The following TNRC6A variants were observed in gnomAD, a reference collection of about 807,000 sequenced individuals.
The protein encoded by TNRC6A is trinucleotide repeat containing adaptor 6A.
TNRC6A carries 44 observed loss-of-function variants against 221.2 expected under a neutral mutation model. That is an observed-to-expected ratio of 0.20 (90% CI 0.16 to 0.26). The LOEUF (loss-of-function observed/expected upper bound fraction) is 0.26, where lower values mean the gene tolerates loss of function less well. Among genes scored for constraint, TNRC6A ranks in the 10% least tolerant of loss-of-function variants. The probability of loss-of-function intolerance (pLI) is 1.00; values close to 1 mark genes in which losing one functional copy is unlikely to be tolerated. For synonymous variants in TNRC6A, 847 were observed against 838.5 expected (o/e 1.01, Z -0.18); for missense variants, 2,199 against 2,404.4 (o/e 0.91, Z 1.79).
intron 2 of TNRC6A, among the ~76,000 whole-genome samples, chr16:24,688,720 T>C (rs1297040554): frequency 6.6e-6 from 1 of 152,162 alleles, no homozygotes; most frequent in Non-Finnish European, 1.5e-5. Flanking sequence ...GTGTAGAAGC[T>C]AGGCCAGCAC....
intron 2 of TNRC6A, among the ~76,000 whole-genome samples, chr16:24,720,716 GA>G (rs984845041): frequency 0.019 from 2,284 of 121,982 alleles, 52 homozygotes; most frequent in African/African-American, 0.055. Context: ...AAGAAAGAAA[GA>G]AAAAAAAAAA....
chr16:24,611,635 T>G (rs925269859), intron 1 of TNRC6A, among the ~76,000 whole-genome samples: 5 of 152,168 alleles, frequency 3.3e-5, no homozygotes, highest in African/African-American at 1.2e-4. Flanking sequence ...GCCACACCTT[T>G]GCAGAATGAG....
intron 4 of TNRC6A, among the ~76,000 whole-genome samples, chr16:24,769,302 G>A (rs112566517): frequency 1.3e-5 from 2 of 151,936 alleles, no homozygotes; most frequent in Non-Finnish European, 2.9e-5. Context: ...TTCACAAAGT[G>A]GGGGGTCCTG....
At chr16:24,630,756 CA>C (rs1229723039) in intron 1 of TNRC6A, among the ~76,000 whole-genome samples, 2 of 152,176 alleles carry the variant, frequency 1.3e-5, no homozygotes, top group Non-Finnish European at 2.9e-5. Flanking sequence ...TTCACAGGGC[CA>C]AACAAACATG....
At chr16:24,783,374 C>T (rs1176989134) in intron 5 of TNRC6A, among the ~76,000 whole-genome samples, 1 of 152,094 alleles carries the variant, frequency 6.6e-6, no homozygotes, top group East Asian at 1.9e-4. Context: ...GGTAATATGC[C>T]CACCTCGGCC....
intron 14 of TNRC6A, 94 bp from the exon 15 acceptor site, chr16:24,805,511 T>C: frequency 6.6e-7 from 1 of 1,523,976 alleles, no homozygotes; most frequent in Non-Finnish European, 8.9e-7. Context: ...AGTCCACAAA[T>C]TTAACTGCTC....
chr16:24,720,690 T>A (rs1596544497), intron 2 of TNRC6A, among the ~76,000 whole-genome samples: 8 of 35,444 alleles, frequency 2.3e-4, no homozygotes, highest in African/African-American at 4.3e-4. Flanking sequence ...AAACTTCATC[T>A]CAAAAAAAAA....
chr16:24,735,877 A>G (rs1177981946), intron 2 of TNRC6A, among the ~76,000 whole-genome samples: 1 of 152,202 alleles, frequency 6.6e-6, no homozygotes, highest in Non-Finnish European at 1.5e-5. Flanking sequence ...AAAATTTTAA[A>G]AAATTGGCCG....
chr16:24,815,047 A>G (rs1204668515), intron 18 of TNRC6A, 100 bp from the exon 19 acceptor site: 3 of 1,358,416 alleles, frequency 2.2e-6, no homozygotes, highest in Non-Finnish European at 2.0e-6. Context: ...CCTAGAGCCC[A>G]CAGATCTAAT....
chr16:24,636,684 A>G (rs1170292003), intron 1 of TNRC6A, among the ~76,000 whole-genome samples: 2 of 152,092 alleles, frequency 1.3e-5, no homozygotes, highest in Non-Finnish European at 2.9e-5. Flanking sequence ...TCAATTCATA[A>G]ATATTGAACT....
chr16:24,703,471 A>G (rs2056029798), intron 2 of TNRC6A, among the ~76,000 whole-genome samples: 1 of 152,192 alleles, frequency 6.6e-6, no homozygotes, highest in African/African-American at 2.4e-5. Flanking sequence ...TCTGTTACTC[A>G]GGAGGCCGAG....
intron 2 of TNRC6A, among the ~76,000 whole-genome samples, chr16:24,740,888 TAG>T (rs1219410010): frequency 6.6e-6 from 1 of 152,220 alleles, no homozygotes; most frequent in Non-Finnish European, 1.5e-5. Flanking sequence ...AGTGGAGTCA[TAG>T]AGTGTTTGTC....
chr16:24,781,477 G>T (rs1229001207), intron 5 of TNRC6A, among the ~76,000 whole-genome samples: 2 of 152,060 alleles, frequency 1.3e-5, no homozygotes, highest in African/African-American at 4.8e-5. Flanking sequence ...TCATAATCTG[G>T]CTTCTGCTCA....
upstream of TNRC6A, among the ~76,000 whole-genome samples, chr16:24,725,060 G>T (rs1475593907): frequency 1.3e-5 from 2 of 152,108 alleles, no homozygotes; most frequent in African/African-American, 4.8e-5. Flanking sequence ...GAGAAAAAGG[G>T]CTTATTTAAA....
At chr16:24,681,266 T>C (rs7204298) in intron 2 of TNRC6A, among the ~76,000 whole-genome samples, 47,913 of 152,066 alleles carry the variant, frequency 0.32, 8,270 homozygotes, top group African/African-American at 0.46. Context: ...CTTGCTTTGT[T>C]GCCCAGGCTG....
chr16:24,706,425 T>C lies in TNRC6A; in HGVS notation n.403-44301T>C, dbSNP rs528212655. ...TACATTTATATTTTTAAAAGTTTAGTACTTGGCCGGGCGCAGTGGCTCACG... is the reference window on the plus strand; with the variant it reads ...TACATTTATATTTTTAAAAGTTTAGCACTTGGCCGGGCGCAGTGGCTCACG... On this transcript the variant is annotated intron_variant and non_coding_transcript_variant, in intron 2 of 2. Transcript: ENST00000566108. Among the ~76,000 whole-genome samples the C allele has an allele frequency of 1.4e-3, 211 of 152,274 alleles. 1 individual carries two copies. The highest frequency in any genetic ancestry group is 6.8e-3 in the Middle Eastern group (2 of 294).
At chr16:24,635,107 C>CTTTCT (rs1369440681) in intron 1 of TNRC6A, among the ~76,000 whole-genome samples, 3 of 139,774 alleles carry the variant, frequency 2.1e-5, no homozygotes, top group African/African-American at 8.4e-5. Flanking sequence ...TTCTTTCTTT[C>CTTTCT]TTTATTTCTT....
intron 2 of TNRC6A, among the ~76,000 whole-genome samples, chr16:24,651,738 T>A (rs1902678019): frequency 1.3e-5 from 2 of 148,894 alleles, no homozygotes; most frequent in African/African-American, 4.9e-5. Flanking sequence ...AAATAAAAAA[T>A]AAAATAAAAT....
intron 11 of TNRC6A, among the ~76,000 whole-genome samples, chr16:24,801,645 C>T (rs186718143): frequency 1.3e-5 from 2 of 151,568 alleles, no homozygotes; most frequent in African/African-American, 2.4e-5. Context: ...CCTGCCTCCA[C>T]GCCCAGCTAA....
Sources: gnomAD v4.1 joint callset for allele counts (sites outside exome capture counted in the v4.1 genomes callset) on GRCh38, gnomAD v4.1.1 for gene constraint, MANE v1.5 for transcripts, NCBI Gene and HGNC (gene_info 2026-07-23, HGNC 2026-07-21) for gene names.